The following PLEKHS1 variants were observed in gnomAD, a reference collection of about 807,000 sequenced individuals.
PLEKHS1 encodes the protein pleckstrin homology domain containing S1, also known as pleckstrin homology domain-containing family S member 1.
A neutral mutation model predicts 51.0 loss-of-function variants in PLEKHS1; 55 were observed. The ratio of observed to expected loss-of-function variants is 1.08; its 90% CI spans 0.87 to 1.35. The LOEUF is 1.35. PLEKHS1 is among the 40% of genes most tolerant of loss of function. The pLI is 0.00. For missense variants in PLEKHS1, 398 were observed against 423.0 expected, an observed-to-expected ratio of 0.94 and a Z score of 0.52; for synonymous variants, 153 against 144.8, an observed-to-expected ratio of 1.06 and a Z score of -0.41.
intron 2 of PLEKHS1, among the ~76,000 whole-genome samples, chr10:113,757,311 A>C (rs1003711052): frequency 1.3e-5 from 2 of 152,182 alleles, no homozygotes; most frequent in Non-Finnish European, 2.9e-5. Context: ...AGAAGTTTTG[A>C]TATGAAACAT....
At chr10:113,761,268 G>T (rs1310414329) in intron 2 of PLEKHS1, among the ~76,000 whole-genome samples, 1 of 151,976 alleles carries the variant, frequency 6.6e-6, no homozygotes, top group Admixed American at 6.6e-5. Flanking sequence ...AGGGCCCCTT[G>T]GTATTTTTGA....
At chr10:113,774,369 C>T (rs1253552364) in intron 9 of PLEKHS1, 36 bp downstream of exon 9, 10 of 1,201,584 alleles carry the variant, frequency 8.3e-6, no homozygotes, top group Non-Finnish European at 1.2e-5. Flanking sequence ...TTGATGTTTG[C>T]TCATCTGCTG....
chr10:113,777,705 G>C, intron 11 of PLEKHS1: 2 of 1,520,886 alleles, frequency 1.3e-6, no homozygotes, highest in Non-Finnish European at 1.8e-6. Context: ...AAAGCTACTA[G>C]TTACTTTTAC....
At chr10:113,755,633 G>A (rs1298068103) in intron 2 of PLEKHS1, among the ~76,000 whole-genome samples, 8 of 152,036 alleles carry the variant, frequency 5.3e-5, no homozygotes, top group Admixed American at 3.3e-4. Flanking sequence ...TCAAACTCCC[G>A]GCCTAGGTGA....
At chr10:113,770,495 T>C (rs539388034) in intron 7 of PLEKHS1, among the ~76,000 whole-genome samples, 1 of 152,248 alleles carries the variant, frequency 6.6e-6, no homozygotes, top group Non-Finnish European at 1.5e-5. Flanking sequence ...GTCATAAACA[T>C]GCTGAGTGGT....
Position 113,755,308 on chromosome 10 carries a change from A to T in PLEKHS1, c.28+3A>T. 6.2e-7 allele frequency: 1 copy of T among 1,607,192 alleles called. No individual in the cohort carries two copies. Among genetic ancestry groups the T allele is most frequent in the Non-Finnish European group, 8.5e-7 (1 of 1,177,492 alleles). ...ACCCAAACCTCAGAAGAGTCCAGGT[A>T]CCCGAGGGGTATAATCGCAGAAGCA... On this transcript the variant is annotated splice_donor_region_variant and intron_variant, in intron 2 of 11. Coordinates refer to ENST00000361048, the Ensembl canonical transcript of PLEKHS1.
At chr10:113,773,594 C>T (rs1360348224) in intron 8 of PLEKHS1, among the ~76,000 whole-genome samples, 1 of 152,108 alleles carries the variant, frequency 6.6e-6, no homozygotes, top group African/African-American at 2.4e-5. Context: ...AAGAAGAGAG[C>T]ACGAACATGG....
chr10:113,753,223 G>A (rs1009690822), intron 1 of PLEKHS1, among the ~76,000 whole-genome samples: 1 of 152,076 alleles, frequency 6.6e-6, no homozygotes, highest in Non-Finnish European at 1.5e-5. Flanking sequence ...CATAGGGGGC[G>A]TGGCCAAGTC....
chr10:113,774,302 A>C, exon 9 of PLEKHS1: 1 of 1,587,300 alleles, frequency 6.3e-7, no homozygotes. Context: ...CTCTGGAAGA[A>C]TTGAGTGTCA....
chr10:113,776,500 G>A (rs1844671131), intron 11 of PLEKHS1, among the ~76,000 whole-genome samples: 1 of 152,070 alleles, frequency 6.6e-6, no homozygotes, highest in South Asian at 2.1e-4. Flanking sequence ...TTCTAAGAAG[G>A]GAGGAAACAC....
At chr10:113,779,567 C>T (rs1844806454) in intron 11 of PLEKHS1, among the ~76,000 whole-genome samples, 1 of 128,264 alleles carries the variant, frequency 7.8e-6, no homozygotes, top group Non-Finnish European at 1.6e-5. Context: ...GAGACTCTGT[C>T]TCAAAAAAAA....
chr10:113,778,638 ACTTT>A (rs1353052612), intron 11 of PLEKHS1, among the ~76,000 whole-genome samples: 2 of 99,196 alleles, frequency 2.0e-5, no homozygotes, highest in African/African-American at 5.7e-5. Context: ...ACATTCGTTC[ACTTT>A]CTTTTTTTTT....
At chr10:113,753,183 G>A (rs1446519900) in intron 1 of PLEKHS1, among the ~76,000 whole-genome samples, 2 of 152,016 alleles carry the variant, frequency 1.3e-5, no homozygotes, top group Non-Finnish European at 2.9e-5. Context: ...TTGGATCCTT[G>A]AGGGCCATCA....
At chr10:113,777,228 C>G (rs1303477293) in intron 11 of PLEKHS1, 1 of 1,612,732 alleles carries the variant, frequency 6.2e-7, no homozygotes, top group African/African-American at 1.3e-5. Context: ...GAGGAGGTCT[C>G]CCTGTTTCTT....
exon 12 of PLEKHS1, chr10:113,780,926 C>T (rs1466500903): frequency 1.4e-5 from 10 of 728,138 alleles, no homozygotes; most frequent in Non-Finnish European, 2.2e-5. Context: ...TGACTATCCC[C>T]TCTCTGGTTA....
chr10:113,777,522 G>T, intron 11 of PLEKHS1: 1 of 1,557,874 alleles, frequency 6.4e-7, no homozygotes, highest in Non-Finnish European at 8.7e-7. Flanking sequence ...AAAAGAGCTT[G>T]CATGGAATCA....
chr10:113,773,266 A>G (rs1486701341), intron 8 of PLEKHS1, among the ~76,000 whole-genome samples: 1 of 152,152 alleles, frequency 6.6e-6, no homozygotes, highest in Non-Finnish European at 1.5e-5. Context: ...TTCTTTCACC[A>G]AAATATTTTC....
At chr10:113,773,966 C>A (rs748154273) in intron 8 of PLEKHS1, among the ~76,000 whole-genome samples, 5 of 152,114 alleles carry the variant, frequency 3.3e-5, no homozygotes. Flanking sequence ...AGATAAACAG[C>A]AATTTAGCTC....
Position 113,760,474 on chromosome 10 carries a change from C to CAA in PLEKHS1, c.28+5178_28+5179dup, listed in dbSNP as rs531086053. Among the ~76,000 whole-genome samples the CAA allele has an allele frequency of 2.7e-5, 4 of 145,700 alleles. No homozygotes were observed. The East Asian group carries it at 6.0e-4, about 22-fold the overall frequency. On this transcript the variant is annotated intron_variant, in intron 2 of 11. Coordinates refer to ENST00000361048, the Ensembl canonical transcript of PLEKHS1. ...TTCCAGACCAACCTGGGCTACATCTCAAAAAAAAAAGAAAAAAGTTATAGC... is the reference window on the plus strand; with the variant it reads ...TTCCAGACCAACCTGGGCTACATCTCAAAAAAAAAAAAGAAAAAAGTTATAGC...
Sources: allele counts gnomAD v4.1 joint callset (sites outside exome capture counted in the v4.1 genomes callset), GRCh38; gene constraint gnomAD v4.1.1; transcripts MANE v1.5; gene names NCBI Gene and HGNC (gene_info 2026-07-23, HGNC 2026-07-21).